The following MAU2 variants were observed in gnomAD, a reference collection of about 807,000 sequenced individuals.
MAU2 encodes the protein MAU2 chromatid cohesion factor homolog.
MAU2 carries 9 observed loss-of-function variants against 89.1 expected under a neutral mutation model. That is an observed-to-expected ratio of 0.10 (90% confidence interval 0.06 to 0.18). The LOEUF (loss-of-function observed/expected upper bound fraction) is 0.18, where lower values mean the gene tolerates loss of function less well. MAU2 is among the 10% of genes least tolerant of loss of function. MAU2 has a pLI of 1.00. For synonymous variants in MAU2, 357 were observed against 343.4 expected (o/e 1.04, Z -0.44); for missense variants, 425 against 803.5 (o/e 0.53, Z 5.69).
At chr19:19,340,097 G>A (rs1210676322) in intron 5 of MAU2, among the ~76,000 whole-genome samples, 4 of 150,166 alleles carry the variant, frequency 2.7e-5, no homozygotes, top group Admixed American at 6.6e-5. Flanking sequence ...CCCAGGACGC[G>A]GAGGTTGCAG....
rs1393017173 is a variant in MAU2, at chr19:19,349,520, G to A, written c.1548+84G>A. The A allele has an allele frequency of 4.2e-6, 5 of 1,176,856 alleles. No homozygotes were observed. The Admixed American group carries it at 5.1e-5, about 12-fold the overall frequency. The allele number at this position is 1,176,856 out of a possible 1,614,324, so 72.9% of individuals were successfully genotyped here. A position where few individuals can be genotyped will look rare whatever the true frequency, so the allele number is the denominator to read the frequency against. On this transcript the variant is annotated intron_variant, in intron 16 of 18. Transcript: ENST00000262815. ...GGAGCCGGCCAGCACCCTAAGGGTG[G>A]CATGGCACTGTTCATCCTATGCCCC...
chr19:19,340,033 CG>C (rs1568658734), intron 5 of MAU2, among the ~76,000 whole-genome samples: 1 of 151,894 alleles, frequency 6.6e-6, no homozygotes, highest in East Asian at 2.0e-4. Flanking sequence ...GGCATGGTGG[CG>C]GGCGCCTGTA....
In MAU2 at chr19:19,325,710, C is replaced by T. The variant is rs993846037; in HGVS notation, c.276+4575C>T. On this transcript the variant is annotated intron_variant, in intron 1 of 18. Coordinates refer to ENST00000262815, the MANE Select transcript of MAU2 (RefSeq NM_015329.4). ...GTCAAGCTGGTCTCGAACTCCTGAC[C>T]TCAGGTGATCTGCCCGCCTCAGCCT... Among the ~76,000 whole-genome samples the T allele has an allele frequency of 2.0e-5, 3 of 151,904 alleles. No individual in the cohort carries two copies. The South Asian group carries it at 6.2e-4, about 32-fold the overall frequency.
chr19:19,349,848 CAG>C (rs2061727113), intron 16 of MAU2, among the ~76,000 whole-genome samples: 1 of 152,194 alleles, frequency 6.6e-6, no homozygotes, highest in African/African-American at 2.4e-5. Flanking sequence ...AGTGTCCTCT[CAG>C]GGTACAAGTG....
At chr19:19,334,110 G>GA in intron 1 of MAU2, 1 of 964,596 alleles carries the variant, frequency 1.0e-6, no homozygotes, top group Non-Finnish European at 1.2e-6. Flanking sequence ...AGCTTCTGTG[G>GA]AAAAAAGCCC....
At chr19:19,321,338 G>C (rs1213505141) in intron 1 of MAU2, among the ~76,000 whole-genome samples, 1 of 152,092 alleles carries the variant, frequency 6.6e-6, no homozygotes, top group East Asian at 1.9e-4. Context: ...CGCCCCCCAC[G>C]CCTTATTTCC....
chr19:19,322,476 G>A (rs1010560422), intron 1 of MAU2, among the ~76,000 whole-genome samples: 1 of 152,182 alleles, frequency 6.6e-6, no homozygotes, highest in East Asian at 1.9e-4. Flanking sequence ...ACGCGGGCCT[G>A]TAGTCCCATC....
At chr19:19,355,520 T>C (rs947572602) in intron 18 of MAU2, 129 bp downstream of exon 18, 3 of 1,393,962 alleles carry the variant, frequency 2.2e-6, no homozygotes, top group Non-Finnish European at 2.9e-6. Context: ...GATCCCTTGA[T>C]GGGGGAGATG....
At chr19:19,344,963 G>C (rs1318567459) in intron 11 of MAU2, 37 bp downstream of exon 11, 3 of 1,592,074 alleles carry the variant, frequency 1.9e-6, no homozygotes, top group African/African-American at 2.7e-5. Flanking sequence ...GGAGAATCCA[G>C]AATGTTCTCA....
In MAU2 at chr19:19,336,113, C is replaced by T. The variant is rs372364360; in HGVS notation, c.295-9C>T. The T allele has an allele frequency of 1.2e-5, 19 of 1,608,920 alleles. No homozygotes were observed. The highest frequency in any genetic ancestry group is 6.6e-5 in the South Asian group (6 of 90,982). ...CAGTGTCTGTACTTCCTTAACTGGACGTCACTAGATCCCGCAGTTCGAAGA... is the reference window on the plus strand; with the variant it reads ...CAGTGTCTGTACTTCCTTAACTGGATGTCACTAGATCCCGCAGTTCGAAGA... On this transcript the variant is annotated splice_polypyrimidine_tract_variant and intron_variant, in intron 2 of 18. Coordinates refer to ENST00000262815, the MANE Select transcript of MAU2 (RefSeq NM_015329.4).
chr19:19,323,083 T>C (rs2061475217), intron 1 of MAU2, among the ~76,000 whole-genome samples: 1 of 149,624 alleles, frequency 6.7e-6, no homozygotes, highest in Non-Finnish European at 1.5e-5. Context: ...TAGAGACGGG[T>C]TCACAGTATT....
Position 19,348,919 on chromosome 19 carries a change from G to C in MAU2, c.1339G>C (p.Asp447His). The change falls in exon 14 of 19, where the codon GAC (aspartate) becomes CAC (histidine). Residue 447 changes from aspartate to histidine, a missense_variant. Coordinates refer to ENST00000262815, the MANE Select transcript of MAU2 (RefSeq NM_015329.4). ...LYSLLERINP[D>H]HSFPVSSHCL... Reference sequence around the variant, plus strand: ...CAGTCTGCTGGAGAGGATCAACCCGGACCACAGCTTCCCTGTCAGGTGAGC... The same window carrying C: ...CAGTCTGCTGGAGAGGATCAACCCGCACCACAGCTTCCCTGTCAGGTGAGC... 6.2e-7 allele frequency: 1 copy of C among 1,613,810 alleles called. No homozygotes were observed.
intron 1 of MAU2, chr19:19,334,496 A>C: frequency 1.0e-6 from 1 of 985,884 alleles, no homozygotes; most frequent in Non-Finnish European, 1.2e-6. Flanking sequence ...TCCAGCCCCA[A>C]GGCTGCCCCC....
intron 1 of MAU2, chr19:19,334,247 C>A (rs1407553551): frequency 1.0e-6 from 1 of 985,564 alleles, no homozygotes; most frequent in Non-Finnish European, 1.2e-6. Context: ...CTCTGAGGAC[C>A]CCGAGCCCCT....
In MAU2 at chr19:19,345,423, AGTCGGGCGTG is replaced by A. The variant is rs2061685287; in HGVS notation, c.1221+58_1221+67del. The A allele has an allele frequency of 3.2e-6, 5 of 1,571,252 alleles. No individual in the cohort carries two copies. The Admixed American group carries it at 8.4e-5, about 26-fold the overall frequency. ...GGGCGGGCCACACTTCTGAGTAAGG[AGTCGGGCGTG>A]GTCTGTGATGAGGACAGCAGTCGCG... On this transcript the variant is annotated intron_variant, in intron 12 of 18. Coordinates refer to ENST00000262815, the MANE Select transcript of MAU2 (RefSeq NM_015329.4). The surrounding 1 kb of genome is among the most constrained non-coding windows in gnomAD (Gnocchi z 4.9).
At chr19:19,329,121 A>T (rs974880404) in intron 1 of MAU2, 1 of 455,780 alleles carries the variant, frequency 2.2e-6, no homozygotes, top group Non-Finnish European at 4.4e-6. Flanking sequence ...TTAAGACCCA[A>T]CAGGGCTAGG....
At position 19,355,349 on chromosome 19, in the gene MAU2, C is replaced by T. The variant is rs1258463055; in HGVS notation, c.1725C>T (p.Asp575=). 1 of 1,614,108 alleles carries T rather than the reference C, an allele frequency of 6.2e-7. No individual in the cohort carries two copies. Among genetic ancestry groups the T allele is most frequent in the Non-Finnish European group, 8.5e-7 (1 of 1,179,994 alleles). ...ACTTCTCGCAGCAGCTGCTCCAGGACCACATTGAGGCCTGCAGCCTCCCCG... is the reference window on the plus strand; with the variant it reads ...ACTTCTCGCAGCAGCTGCTCCAGGATCACATTGAGGCCTGCAGCCTCCCCG... ...HQNFSQQLLQ[D]HIEACSLPEH... is the part of the protein sequence containing the mutation. The change falls in exon 18 of 19, where the codon GAC becomes GAT. Residue 575 remains aspartate (D), a synonymous_variant. Transcript: ENST00000262815.
At chr19:19,322,872 CTTTAT>C (rs765023875) in intron 1 of MAU2, among the ~76,000 whole-genome samples, 208 of 152,138 alleles carry the variant, frequency 1.4e-3, no homozygotes, top group African/African-American at 4.6e-3. Flanking sequence ...TGGAAGGAGA[CTTTAT>C]TTTATTTTAT....
chr19:19,332,413 A>G (rs1334130527), intron 1 of MAU2, among the ~76,000 whole-genome samples: 2 of 146,542 alleles, frequency 1.4e-5, no homozygotes, highest in East Asian at 2.0e-4. Context: ...GGCTTTATCT[A>G]ATGTCCTCTG....
Sources: gnomAD v4.1 joint callset for allele counts (sites outside exome capture counted in the v4.1 genomes callset) on GRCh38, gnomAD v4.1.1 for gene constraint, Gnocchi (gnomAD v3.1) non-coding constraint, MANE v1.5 for transcripts, NCBI Gene and HGNC (gene_info 2026-07-23, HGNC 2026-07-21) for gene names.